The following ATG16L2 variants were observed in gnomAD, a reference collection of about 807,000 sequenced individuals.
The protein encoded by ATG16L2 is autophagy related 16 like 2.
Under a neutral mutation model 84.7 loss-of-function variants are expected in ATG16L2, and 77 were observed. That is an observed-to-expected ratio of 0.91 (90% CI 0.76 to 1.10). The LOEUF is 1.10. ATG16L2 is among the 50% of genes least tolerant of loss of function. ATG16L2 has a pLI of 0.00. For missense variants in ATG16L2, 782 were observed against 817.6 expected (o/e 0.96, Z 0.53); for synonymous variants, 361 against 342.8 (o/e 1.05, Z -0.59).
Position 72,821,745 on chromosome 11 carries a change from A to AGGCGCG in ATG16L2, c.392+9_392+14dup, listed in dbSNP as rs1463764264. The AGGCGCG allele has an allele frequency of 2.5e-5, 37 of 1,505,504 alleles. No homozygotes were observed. Among genetic ancestry groups the AGGCGCG allele is most frequent in the Non-Finnish European group, 3.2e-5 (36 of 1,121,736 alleles). 93.3% of individuals were successfully genotyped at this position (1,505,504 alleles called of 1,614,324 possible). A position where few individuals can be genotyped will look rare whatever the true frequency, so the allele number is the denominator to read the frequency against. On this transcript the variant is annotated splice_donor_region_variant and intron_variant, in intron 4 of 17. Transcript: ENST00000321297. The stretch of plus-strand genomic sequence containing the variant: ...AGCTGCAGCAGAGGCAAAGCAGGTG[A>AGGCGCG]GGCGCGGGCGGGGGCGGGAGGGACC...
intron 5 of ATG16L2, chr11:72,837,690 A>G (rs184900038): frequency 4.6e-5 from 7 of 152,292 alleles, no homozygotes; most frequent in Non-Finnish European, 1.0e-4. Flanking sequence ...AGGGTGCGCA[A>G]TCCTTCAGTC....
At chr11:72,823,163 C>T (rs1323709148) in intron 7 of ATG16L2, 1 of 535,038 alleles carries the variant, frequency 1.9e-6, no homozygotes, top group Non-Finnish European at 3.3e-6. Flanking sequence ...CCCCCCCAAC[C>T]CCTACCCTCA....
chr11:72,827,630 T>C (rs551883637), intron 14 of ATG16L2, among the ~76,000 whole-genome samples: 2 of 152,354 alleles, frequency 1.3e-5, no homozygotes, highest in African/African-American at 4.8e-5. Flanking sequence ...ACTTTGGGCT[T>C]GAATTGTTTG....
chr11:72,828,841 CCT>C (rs757484520), intron 16 of ATG16L2, 40 bp from the exon 17 acceptor site: 2 of 1,613,866 alleles, frequency 1.2e-6, no homozygotes, highest in Non-Finnish European at 1.7e-6. Context: ...TGTGCCCTCC[CCT>C]CTGACCCCCC....
At chr11:72,841,411 G>GAAGTGAA in intron 5 of ATG16L2, 1 of 1,543,054 alleles carries the variant, frequency 6.5e-7, no homozygotes, top group Non-Finnish European at 8.8e-7. Context: ...GTAGGTTTCT[G>GAAGTGAA]AAGTGAAAAT....
chr11:72,821,924 C>G, intron 4 of ATG16L2, 120 bp from the exon 5 acceptor site: 2 of 1,423,872 alleles, frequency 1.4e-6, no homozygotes, highest in South Asian at 1.5e-5. Flanking sequence ...GGAGACCTGG[C>G]TTAGCCACCC....
intron 9 of ATG16L2, 124 bp downstream of exon 9, chr11:72,824,966 C>G (rs2135110650): frequency 1.3e-6 from 1 of 752,862 alleles, no homozygotes; most frequent in South Asian, 1.9e-5. Context: ...TCAGCAGGAG[C>G]AGGAGGCTGC....
chr11:72,829,225 G>A lies in ATG16L2; in HGVS notation c.1773-78G>A, dbSNP rs139549869. 8.0e-6 allele frequency: 12 copies of A among 1,499,950 alleles called. No homozygotes were observed. In the African/African-American group the frequency reaches 1.5e-4, roughly 19 times the overall value. 92.9% of individuals were successfully genotyped at this position (1,499,950 alleles called of 1,614,324 possible). A position where few individuals can be genotyped will look rare whatever the true frequency, so the allele number is the denominator to read the frequency against. On this transcript the variant is annotated intron_variant, in intron 17 of 17. Transcript: ENST00000321297. ...CAAGAGAGGGCCTCAAACTACCCAG[G>A]TCCAGCAGTCGGGGCAGAGCCAGGT...
downstream of ATG16L2, among the ~76,000 whole-genome samples, chr11:72,833,932 A>AT (rs34732465): frequency 0.48 from 69,906 of 146,726 alleles, 17,166 homozygotes; most frequent in South Asian, 0.66. Flanking sequence ...AAAAAAAAAA[A>AT]TTTTTTTTTT....
At position 72,816,778 on chromosome 11, in the gene ATG16L2, C is replaced by A; in HGVS notation, c.169C>A (p.Leu57Met). The change falls in exon 2 of 18, where the codon CTG becomes ATG. Residue 57 changes from leucine to methionine, a missense_variant. Coordinates refer to ENST00000321297, the MANE Select transcript of ATG16L2 (RefSeq NM_033388.2). Reference protein sequence around the residue: ...AELLDKFSKKLQPEPNSVTPT... With the variant: ...AELLDKFSKKMQPEPNSVTPT... ...GCTGCTGGACAAGTTCTCAAAGAAG[C>A]TGCAGCCGGAGCCAAACAGTGTCAC... 1 of 1,614,236 alleles carries A rather than the reference C, an allele frequency of 6.2e-7. No homozygotes were observed. Among genetic ancestry groups the A allele is most frequent in the Non-Finnish European group, 8.5e-7 (1 of 1,180,026 alleles).
In ATG16L2 at chr11:72,814,475, C is replaced by G; in HGVS notation, c.30C>G (p.Pro10=). The change falls in exon 1 of 18, where the codon CCC becomes CCG. Residue 10 remains proline (P), a synonymous_variant. Transcript: ENST00000321297. MAGPGVPGA[P]AARWKRHIVR... ...CGGGGCCGGGCGTCCCCGGTGCCCC[C>G]GCAGCGCGCTGGAAACGCCACATCG... is the stretch of plus-strand genomic sequence containing the variant. 3 of 1,520,278 alleles carry G rather than the reference C, an allele frequency of 2.0e-6. No homozygotes were observed. The highest frequency in any genetic ancestry group is 2.0e-4 in the Middle Eastern group (1 of 4,950). 94.2% of individuals were successfully genotyped at this position (1,520,278 alleles called of 1,614,324 possible). A position where few individuals can be genotyped will look rare whatever the true frequency, so the allele number is the denominator to read the frequency against.
chr11:72,814,900 G>T (rs1859616489), intron 1 of ATG16L2, among the ~76,000 whole-genome samples: 1 of 152,208 alleles, frequency 6.6e-6, no homozygotes, highest in Non-Finnish European at 1.5e-5. Flanking sequence ...CCCCGGGGTA[G>T]GGGCTTGATC....
Position 72,822,276 on chromosome 11 carries a change from C to A in ATG16L2, c.625C>A (p.Arg209Ser). 1 of 1,508,532 alleles carries A rather than the reference C, an allele frequency of 6.6e-7. No individual in the cohort carries two copies. Among genetic ancestry groups the A allele is most frequent in the East Asian group, 2.5e-5 (1 of 39,714 alleles). 93.4% of individuals were successfully genotyped at this position (1,508,532 alleles called of 1,614,324 possible). A position where few individuals can be genotyped will look rare whatever the true frequency, so the allele number is the denominator to read the frequency against. Reference protein sequence around the residue: ...KARAAAERNLRNERRERAKQA... With the variant: ...KARAAAERNLSNERRERAKQA... ...GCGCGCCGCGGCCGAGCGCAACCTG[C>A]GCAACGAGCGCCGGGAGCGGTGAGG... The change falls in exon 5 of 18, where the codon CGC becomes AGC. Residue 209 changes from arginine to serine, a missense_variant. Physicochemically the swap from Arg to Ser is moderately radical, Grantham distance 110. Coordinates refer to ENST00000321297, the MANE Select transcript of ATG16L2 (RefSeq NM_033388.2). This position sits in a 1 kb window ranked among gnomAD's most constrained non-coding sequence, Gnocchi z 4.2.
At chr11:72,827,050 C>G (rs1860406598) in intron 13 of ATG16L2, 138 bp from the exon 14 acceptor site, 2 of 845,370 alleles carry the variant, frequency 2.4e-6, no homozygotes, top group East Asian at 5.3e-5. Flanking sequence ...TGGGTGAGCC[C>G]TGTGCTGGGA....
chr11:72,824,422 A>C (rs1029459738), intron 8 of ATG16L2: 7 of 562,668 alleles, frequency 1.2e-5, no homozygotes, highest in African/African-American at 1.1e-4. Flanking sequence ...ATGCTCTGAA[A>C]TGTCAGGGAC....
At position 72,826,841 on chromosome 11, in the gene ATG16L2, C is replaced by G; in HGVS notation, c.1366+18C>G. 6.2e-7 allele frequency: 1 copy of G among 1,610,604 alleles called. No individual in the cohort carries two copies. Among genetic ancestry groups the G allele is most frequent in the Non-Finnish European group, 8.5e-7 (1 of 1,178,798 alleles). ...TGCCTATTGTGAGCCCGAGCCCCAG[C>G]CCCACCTCTCCTCCCCACCAGCCAG... On this transcript the variant is annotated intron_variant, in intron 13 of 17. Transcript: ENST00000321297.
At chr11:72,819,158 G>T (rs1859840828) in intron 3 of ATG16L2, 2 of 148,490 alleles carry the variant, frequency 1.3e-5, no homozygotes, top group South Asian at 4.1e-4. Context: ...TGTCCTTCCT[G>T]TCTTCCTGTG....
At chr11:72,816,876 C>A in intron 2 of ATG16L2, 49 bp downstream of exon 2, 2 of 1,463,240 alleles carry the variant, frequency 1.4e-6, no homozygotes, top group Non-Finnish European at 1.9e-6. Context: ...GTGCTGGGGC[C>A]CTGCCCCTGC....
intron 5 of ATG16L2, chr11:72,842,525 CAG>C: frequency 6.8e-7 from 1 of 1,474,090 alleles, no homozygotes; most frequent in Non-Finnish European, 9.2e-7. Context: ...GAGGGTAAGG[CAG>C]AGACTGCAGC....
Sources: allele counts gnomAD v4.1 joint callset (sites outside exome capture counted in the v4.1 genomes callset), GRCh38; gene constraint gnomAD v4.1.1; non-coding constraint Gnocchi (gnomAD v3.1); transcripts MANE v1.5; gene names NCBI Gene and HGNC (gene_info 2026-07-23, HGNC 2026-07-21).